Variants in NIFK observed in about 807,000 individuals in gnomAD.
NIFK encodes MKI67 FHA domain-interacting nucleolar phosphoprotein.
A neutral mutation model predicts 31.7 loss-of-function variants in NIFK; 16 were observed. That is an observed-to-expected ratio of 0.50 (90% CI 0.34 to 0.77). The LOEUF (loss-of-function observed/expected upper bound fraction) is 0.77, where lower values mean the gene tolerates loss of function less well. NIFK is among the 30% of genes least tolerant of loss of function. The pLI is 0.01. For synonymous variants in NIFK, 126 were observed against 123.0 expected, an observed-to-expected ratio of 1.02 and a Z score of -0.16; for missense variants, 341 against 350.4, an observed-to-expected ratio of 0.97 and a Z score of 0.21.
At chr2:121,731,653 C>T (rs187081939) in intron 3 of NIFK, among the ~76,000 whole-genome samples, 1 of 152,172 alleles carries the variant, frequency 6.6e-6, no homozygotes, top group Admixed American at 6.5e-5. Flanking sequence ...TCATCTCTTG[C>T]TACTTTTCCT....
chr2:121,734,316 G>A (rs1343552102), intron 2 of NIFK, among the ~76,000 whole-genome samples: 8 of 152,004 alleles, frequency 5.3e-5, no homozygotes, highest in Admixed American at 5.2e-4. Flanking sequence ...TAAGTAATGA[G>A]CAATGATGAT....
At chr2:121,735,784 T>C (rs750952038) in intron 1 of NIFK, 34 bp from the exon 2 acceptor site, 1 of 1,570,908 alleles carries the variant, frequency 6.4e-7, no homozygotes, top group Non-Finnish European at 8.7e-7. Context: ...ATTAAATATA[T>C]AAATAAGAAA....
intron 2 of NIFK, among the ~76,000 whole-genome samples, chr2:121,732,409 T>C (rs978053825): frequency 3.3e-5 from 5 of 152,172 alleles, no homozygotes; most frequent in Non-Finnish European, 4.4e-5. Context: ...ACACAGCTGA[T>C]TTTCTGGTAT....
intron 2 of NIFK, among the ~76,000 whole-genome samples, chr2:121,733,781 TTTTA>T (rs1388106809): frequency 6.6e-6 from 1 of 152,192 alleles, no homozygotes; most frequent in African/African-American, 2.4e-5. Context: ...CTCATTTGGC[TTTTA>T]TTTCAGTTAT....
chr2:121,728,419 GT>G, intron 5 of NIFK, 57 bp downstream of exon 5: 1 of 1,479,302 alleles, frequency 6.8e-7, no homozygotes, highest in Non-Finnish European at 9.4e-7. Flanking sequence ...TCTTGAATAT[GT>G]TTTCCTACTT....
Position 121,728,522 on chromosome 2 carries a change from C to T in NIFK, c.579G>A (p.Thr193=), listed in dbSNP as rs763091601. 1.6e-5 allele frequency: 25 copies of T among 1,577,174 alleles called. No homozygotes were observed. The highest frequency in any genetic ancestry group is 1.8e-5 in the Non-Finnish European group (21 of 1,164,244). Residue 193 remains threonine, a synonymous_variant, in exon 5 of 7, where the codon ACG becomes ACA. Transcript: ENST00000285814. ...GACGATTAGTTTTTGAAATACTTTC[C>T]GTTTTCTGTAAAATCTTTAATAAAG... is the stretch of plus-strand genomic sequence containing the variant. The part of the protein sequence containing the change: ...YDFPSLILQK[T]ESISKTNRQT...
At chr2:121,728,217 C>T (rs917401422) in intron 6 of NIFK, 71 bp downstream of exon 6, 17 of 950,024 alleles carry the variant, frequency 1.8e-5, no homozygotes, top group Admixed American at 7.4e-5. Context: ...ATGAGAGTAG[C>T]AGAAACTGCT....
chr2:121,735,233 A>C (rs1435467729), intron 2 of NIFK, among the ~76,000 whole-genome samples: 1 of 152,214 alleles, frequency 6.6e-6, no homozygotes, highest in East Asian at 1.9e-4. Flanking sequence ...CTAACTAGTA[A>C]GGTGTAGAGC....
intron 2 of NIFK, 123 bp from the exon 3 acceptor site, chr2:121,732,327 G>A (rs1361721345): frequency 1.6e-5 from 10 of 620,054 alleles, no homozygotes; most frequent in African/African-American, 5.6e-5. Flanking sequence ...CGTACGACAC[G>A]CTTAATTCTA....
chr2:121,732,043 A>G, intron 3 of NIFK, 53 bp downstream of exon 3: 1 of 1,005,312 alleles, frequency 9.9e-7, no homozygotes, highest in Non-Finnish European at 1.6e-6. Flanking sequence ...CACCACAGTC[A>G]CCCACCAACA....
In NIFK at chr2:121,727,892, T is replaced by C. The variant is rs1379924883; in HGVS notation, c.714A>G (p.Thr238=). 10 of 1,602,212 alleles carry C rather than the reference T, an allele frequency of 6.2e-6. No homozygotes were observed. In the Middle Eastern group the frequency reaches 8.3e-4, roughly 133 times the overall value. ...ATTTTCGCCTCTCCAAAAATGTTGGTGTACAAACTGGTGTGGGGCCCTGGA... is the reference window on the plus strand; with the variant it reads ...ATTTTCGCCTCTCCAAAAATGTTGGCGTACAAACTGGTGTGGGGCCCTGGA... ...VDSQGPTPVC[T]PTFLERRKSQ... The change falls in exon 7 of 7, where the codon ACA becomes ACG. Residue 238 remains threonine (T), a synonymous_variant. Transcript: ENST00000285814.
Position 121,735,629 on chromosome 2 carries a change from A to C in NIFK, c.227T>G (p.Leu76Arg). The C allele has an allele frequency of 6.2e-7, 1 of 1,612,104 alleles. No homozygotes were observed. The highest frequency in any genetic ancestry group is 8.5e-7 in the Non-Finnish European group (1 of 1,179,846). The change falls in exon 2 of 7, where the codon CTG (leucine) becomes CGG (arginine). Residue 76 changes from leucine to arginine, a missense_variant. Transcript: ENST00000285814. ...SQFGTVTRFR[L>R]SRSKRTGNSK... ...AAATCTTACCCTTTTACTTCTGGACAGCCTGAACCGTGTCACAGTGCCAAA... is the reference window on the plus strand; with the variant it reads ...AAATCTTACCCTTTTACTTCTGGACCGCCTGAACCGTGTCACAGTGCCAAA...
intron 2 of NIFK, among the ~76,000 whole-genome samples, chr2:121,734,795 A>G (rs1478585628): frequency 6.6e-6 from 1 of 152,114 alleles, no homozygotes; most frequent in East Asian, 1.9e-4. Flanking sequence ...CTCAGTCTCA[A>G]AAAAAAGAAA....
intron 5 of NIFK, 57 bp downstream of exon 5, chr2:121,728,420 T>C: frequency 6.7e-7 from 1 of 1,482,206 alleles, no homozygotes; most frequent in Non-Finnish European, 9.3e-7. Context: ...CTTGAATATG[T>C]TTTCCTACTT....
At position 121,727,690 on chromosome 2, in the gene NIFK, T is replaced by C. The variant is rs763471346; in HGVS notation, c.*34A>G. The C allele has an allele frequency of 3.4e-6, 5 of 1,474,924 alleles. No individual in the cohort carries two copies. Among genetic ancestry groups the C allele is most frequent in the East Asian group, 2.3e-5 (1 of 43,790 alleles). 91.4% of individuals were successfully genotyped at this position (1,474,924 alleles called of 1,614,324 possible). A position where few individuals can be genotyped will look rare whatever the true frequency, so the allele number is the denominator to read the frequency against. ...ACAAAGTCCACTCTCATAAAAATAT[T>C]ATATTTTTCAAAAGAAATATAATAC... On this transcript the variant is annotated 3_prime_UTR_variant, in exon 7 of 7. Transcript: ENST00000285814.
intron 6 of NIFK, 27 bp downstream of exon 6, chr2:121,728,260 GT>G: frequency 7.5e-7 from 1 of 1,335,704 alleles, no homozygotes; most frequent in Non-Finnish European, 1.1e-6. Flanking sequence ...ATAATATCTG[GT>G]GTCTGGAGTA....
At chr2:121,736,715 G>T in intron 1 of NIFK, 31 bp downstream of exon 1, 1 of 1,584,118 alleles carries the variant, frequency 6.3e-7, no homozygotes, top group South Asian at 1.1e-5. Context: ...CATCGCCCCC[G>T]CTCGCAGCCT....
In NIFK at chr2:121,728,535, A is replaced by G. The variant is rs1191717856; in HGVS notation, c.566T>C (p.Ile189Thr). ...TGAAATACTTTCCGTTTTCTGTAAA[A>G]TCTTTAATAAAGAAGTTAGAAATTG... ...KGIDYDFPSL[I>T]LQKTESISKT... is the part of the protein sequence containing the mutation. Residue 189 changes from isoleucine (I) to threonine (T), a missense_variant and splice_region_variant, in exon 5 of 7, where the codon ATT becomes ACT. Physicochemically the swap from Ile to Thr is moderately conservative, Grantham distance 89 (BLOSUM62 -1). Coordinates refer to ENST00000285814, the MANE Select transcript of NIFK (RefSeq NM_032390.5). 1.3e-6 allele frequency: 2 copies of G among 1,557,118 alleles called. No homozygotes were observed. Among genetic ancestry groups the G allele is most frequent in the Non-Finnish European group, 1.7e-6 (2 of 1,144,908 alleles).
At chr2:121,730,706 T>C in intron 4 of NIFK, 187 bp downstream of exon 4, 1 of 582,290 alleles carries the variant, frequency 1.7e-6, no homozygotes, top group East Asian at 2.9e-5. Context: ...TAGCCAGACG[T>C]GGTGGTGTGC....
Sources: gnomAD v4.1 joint callset for allele counts (sites outside exome capture counted in the v4.1 genomes callset) on GRCh38, gnomAD v4.1.1 for gene constraint, MANE v1.5 for transcripts, NCBI Gene and HGNC (gene_info 2026-07-23, HGNC 2026-07-21) for gene names.